MYBBP1A: variants seen among roughly 807,000 people sequenced by gnomAD.
MYBBP1A encodes MYB binding protein 1a.
Under a neutral mutation model 136.3 loss-of-function variants are expected in MYBBP1A, and 147 were observed. That is an observed-to-expected ratio of 1.08 (90% CI 0.94 to 1.24). The LOEUF (loss-of-function observed/expected upper bound fraction) is 1.24. MYBBP1A is among the 50% of genes most tolerant of loss of function. The pLI is 0.00. For synonymous variants in MYBBP1A, 947 were observed against 735.8 expected (o/e 1.29, Z -4.65); for missense variants, 2,060 against 1,727.4 (o/e 1.19, Z -3.41).
At position 4,548,551 on chromosome 17, in the gene MYBBP1A, C is replaced by T. The variant is rs747210756; in HGVS notation, c.1529G>A (p.Arg510Gln). The T allele has an allele frequency of 1.3e-5, 21 of 1,614,046 alleles. No individual in the cohort carries two copies. The highest frequency in any genetic ancestry group is 3.3e-5 in the South Asian group (3 of 91,092). ...PFSFPLENQA[R>Q]EAVSSAFFSL... ...GAAGAAGGCACTGCTGACAGCCTCT[C>T]GGGCCTGGTTTTCCAAAGGGAAGGA... Residue 510 changes from arginine to glutamine, a missense_variant, in exon 11 of 26, where the codon CGA becomes CAA. Physicochemically the swap from Arg to Gln is conservative, Grantham distance 43. Transcript: ENST00000254718. The surrounding 1 kb of genome is among the most constrained non-coding windows in gnomAD (Gnocchi z 4.2).
intron 9 of MYBBP1A, among the ~76,000 whole-genome samples, chr17:4,549,785 C>CAAAAAAAA (rs60360356): frequency 1.5e-5 from 1 of 65,406 alleles, no homozygotes; most frequent in Admixed American, 1.8e-4. Flanking sequence ...GAGACTCTGT[C>CAAAAAAAA]AAAAAAAAAA....
chr17:4,541,902 G>A lies in MYBBP1A; in HGVS notation c.3088-11C>T, dbSNP rs768051733. The A allele has an allele frequency of 5.0e-6, 8 of 1,609,474 alleles. No homozygotes were observed. In the South Asian group the frequency reaches 8.8e-5, roughly 18 times the overall value. On this transcript the variant is annotated splice_polypyrimidine_tract_variant and intron_variant, in intron 22 of 25. Coordinates refer to ENST00000254718, the MANE Select transcript of MYBBP1A (RefSeq NM_014520.4). ...GAGCAGCAGGCAGGCCTGTGGGTGG[G>A]CAAAGGTGGGTGGCAGGAGCCTTGG...
Position 4,552,901 on chromosome 17 carries a change from T to C in MYBBP1A, c.562-275A>G, listed in dbSNP as rs1286906598. Among the ~76,000 whole-genome samples the C allele has an allele frequency of 6.6e-6, 1 of 151,968 alleles. No individual in the cohort carries two copies. Among genetic ancestry groups the C allele is most frequent in the Non-Finnish European group, 1.5e-5 (1 of 67,972 alleles). On this transcript the variant is annotated intron_variant, in intron 5 of 25. Transcript: ENST00000254718. The surrounding 1 kb of genome is among the most constrained non-coding windows in gnomAD (Gnocchi z 4.7). ...CCAGGCTGAGTATAGTGGTGTGATC[T>C]TGGCTCACTGCAACCTCCGCCTCCC...
chr17:4,539,024 C>G lies in MYBBP1A; in HGVS notation c.*391G>C, dbSNP rs781089507. 4.7e-6 allele frequency: 4 copies of G among 844,284 alleles called. No individual in the cohort carries two copies. In the African/African-American group the frequency reaches 6.7e-5, roughly 14 times the overall value. 52.3% of individuals were successfully genotyped at this position (844,284 alleles called of 1,614,324 possible). A position where few individuals can be genotyped will look rare whatever the true frequency, so the allele number is the denominator to read the frequency against. On this transcript the variant is annotated 3_prime_UTR_variant, in exon 26 of 26. Transcript: ENST00000254718. ...TCCTCTTGTAAATGAAGAAATAAAC[C>G]TATTTAAATCACCCCCTGGTGGCTC...
chr17:4,545,951 A>G lies in MYBBP1A; in HGVS notation c.1825-9T>C, dbSNP rs539565687. 4.3e-6 allele frequency: 7 copies of G among 1,611,752 alleles called. No individual in the cohort carries two copies. Among genetic ancestry groups the G allele is most frequent in the Non-Finnish European group, 5.9e-6 (7 of 1,179,134 alleles). On this transcript the variant is annotated splice_polypyrimidine_tract_variant and intron_variant, in intron 13 of 25. Coordinates refer to ENST00000254718, the MANE Select transcript of MYBBP1A (RefSeq NM_014520.4). ...CAGCTCTCTGCAGGGGACTGCGGGC[A>G]GGGTAGGACACACACTGGGGCCAGG...
At position 4,552,260 on chromosome 17, in the gene MYBBP1A, G is replaced by C. The variant is rs1437865063; in HGVS notation, c.770C>G (p.Ser257Cys). 6.2e-7 allele frequency: 1 copy of C among 1,614,166 alleles called. No homozygotes were observed. The change falls in exon 7 of 26, where the codon TCT becomes TGT. Residue 257 changes from serine to cysteine, a missense_variant. By Grantham distance (112) the Ser-to-Cys change is moderately radical. Transcript: ENST00000254718. The surrounding 1 kb of genome is among the most constrained non-coding windows in gnomAD (Gnocchi z 4.7). ...GGGCAGCTTGCGGTCCTTCTTCACAGAGGAGGCGGCCATCTTCAGCACATT... is the reference window on the plus strand; with the variant it reads ...GGGCAGCTTGCGGTCCTTCTTCACACAGGAGGCGGCCATCTTCAGCACATT... ...LVNVLKMAASSVKKDRKLPAI... is the reference protein window; with the variant it reads ...LVNVLKMAASCVKKDRKLPAI...
chr17:4,541,978 G>A (rs1482229545), intron 22 of MYBBP1A, 87 bp from the exon 23 acceptor site: 1 of 997,240 alleles, frequency 1.0e-6, no homozygotes, highest in South Asian at 1.4e-5. Context: ...GGGGCCCGCT[G>A]GGCACTGCTG....
Position 4,547,948 on chromosome 17 carries a change from G to T in MYBBP1A, c.1824+10C>A, listed in dbSNP as rs1396165118. The stretch of plus-strand genomic sequence containing the variant: ...CAGGCTCACAGCCCCTCCCTCCCAG[G>T]CCCCAGTACCTTGAGGAGGTGGATG... On this transcript the variant is annotated intron_variant, in intron 13 of 25. Transcript: ENST00000254718. 1.4e-6 allele frequency: 2 copies of T among 1,472,678 alleles called. No homozygotes were observed. The allele number at this position is 1,472,678 out of a possible 1,614,324, so 91.2% of individuals were successfully genotyped here. A position where few individuals can be genotyped will look rare whatever the true frequency, so the allele number is the denominator to read the frequency against.
chr17:4,540,208 G>A (rs1026590673), intron 25 of MYBBP1A, 140 bp downstream of exon 25: 9 of 1,289,784 alleles, frequency 7.0e-6, no homozygotes, highest in African/African-American at 3.0e-5. Flanking sequence ...CTGAGAATGC[G>A]CTTGAGTGCA....
chr17:4,540,604 C>T (rs1278909398), intron 24 of MYBBP1A, 120 bp from the exon 25 acceptor site: 15 of 1,232,318 alleles, frequency 1.2e-5, no homozygotes, highest in East Asian at 2.7e-5. Context: ...CCTTCCTGGG[C>T]CTCAGCCTCT....
rs1232976173 is a variant in MYBBP1A, at chr17:4,539,304, G to A, written c.*111C>T. On this transcript the variant is annotated 3_prime_UTR_variant, in exon 26 of 26. Coordinates refer to ENST00000254718, the MANE Select transcript of MYBBP1A (RefSeq NM_014520.4). The stretch of plus-strand genomic sequence containing the variant: ...GCGGCAACAGCCACCCTCCCCAGTG[G>A]CAGCGCCTTAGAAACAGCTTGCGTA... 6 of 1,496,038 alleles carry A rather than the reference G, an allele frequency of 4.0e-6. No individual in the cohort carries two copies. The highest frequency in any genetic ancestry group is 5.3e-6 in the Non-Finnish European group (6 of 1,133,646). 92.7% of individuals were successfully genotyped at this position (1,496,038 alleles called of 1,614,324 possible). A position where few individuals can be genotyped will look rare whatever the true frequency, so the allele number is the denominator to read the frequency against.
chr17:4,552,395 G>A lies in MYBBP1A; in HGVS notation c.737+56C>T. ...CAGGCCAAACGACAAATCTGGGCCT[G>A]GCCAGATGCAGTCCCTTGGCCCCAG... On this transcript the variant is annotated intron_variant, in intron 6 of 25. Coordinates refer to ENST00000254718, the MANE Select transcript of MYBBP1A (RefSeq NM_014520.4). The surrounding 1 kb of genome is among the most constrained non-coding windows in gnomAD (Gnocchi z 4.7). The A allele has an allele frequency of 6.2e-7, 1 of 1,604,616 alleles. No homozygotes were observed. The highest frequency in any genetic ancestry group is 1.7e-5 in the Admixed American group (1 of 59,780).
At position 4,544,734 on chromosome 17, in the gene MYBBP1A, C is replaced by A. The variant is rs1377731165; in HGVS notation, c.2481+17G>T. On this transcript the variant is annotated intron_variant, in intron 18 of 25. Coordinates refer to ENST00000254718, the MANE Select transcript of MYBBP1A (RefSeq NM_014520.4). ...CACAGGGAGGCGGGGGTGGGTGCGG[C>A]CCGCCCCCAGGCTCACCCGGATCTG... 6.6e-7 allele frequency: 1 copy of A among 1,516,434 alleles called. No homozygotes were observed. Among genetic ancestry groups the A allele is most frequent in the Non-Finnish European group, 8.8e-7 (1 of 1,132,858 alleles). 93.9% of individuals were successfully genotyped at this position (1,516,434 alleles called of 1,614,324 possible). A position where few individuals can be genotyped will look rare whatever the true frequency, so the allele number is the denominator to read the frequency against.
chr17:4,539,363 T>C lies in MYBBP1A; in HGVS notation c.*52A>G. 7.3e-7 allele frequency: 1 copy of C among 1,362,234 alleles called. No individual in the cohort carries two copies. The highest frequency in any genetic ancestry group is 9.7e-7 in the Non-Finnish European group (1 of 1,030,156). 84.4% of individuals were successfully genotyped at this position (1,362,234 alleles called of 1,614,324 possible). ...ATGGTTTAAAAAAAAAAAAAAAAAA[T>C]AGGCGTCTCAGGCAGATGGAGGCAG... On this transcript the variant is annotated 3_prime_UTR_variant, in exon 26 of 26. Coordinates refer to ENST00000254718, the MANE Select transcript of MYBBP1A (RefSeq NM_014520.4).
At position 4,544,780 on chromosome 17, in the gene MYBBP1A, TCTC is replaced by T. The variant is rs775394414; in HGVS notation, c.2449_2451del (p.Glu817del). The T allele has an allele frequency of 2.4e-5, 38 of 1,593,076 alleles. No homozygotes were observed. Among genetic ancestry groups the T allele is most frequent in the East Asian group, 1.1e-4 (5 of 43,946 alleles). On this transcript the variant is annotated inframe_deletion, in exon 18 of 26. Coordinates refer to ENST00000254718, the MANE Select transcript of MYBBP1A (RefSeq NM_014520.4). The stretch of plus-strand genomic sequence containing the variant: ...ATCTGGAAGTCGCGCCGCAGAGCCT[TCTC>T]CTTCTGCAGCTTGTTCTTCTCGTCT...
At chr17:4,543,882 G>T (rs1171251486) in intron 19 of MYBBP1A, among the ~76,000 whole-genome samples, 2 of 147,224 alleles carry the variant, frequency 1.4e-5, no homozygotes, top group African/African-American at 5.2e-5. Flanking sequence ...ACCAGACTCA[G>T]ACCCTTCCCC....
intron 24 of MYBBP1A, 50 bp from the exon 25 acceptor site, chr17:4,540,534 C>T (rs372577968): frequency 6.6e-7 from 1 of 1,525,404 alleles, no homozygotes; most frequent in South Asian, 1.2e-5. Context: ...GGCGGGGCCT[C>T]TCGCGGGCTC....
Position 4,548,498 on chromosome 17 carries a change from C to CCT in MYBBP1A, c.1556+24_1556+25dup. On this transcript the variant is annotated intron_variant, in intron 11 of 25. Coordinates refer to ENST00000254718, the MANE Select transcript of MYBBP1A (RefSeq NM_014520.4). This position sits in a 1 kb window ranked among gnomAD's most constrained non-coding sequence, Gnocchi z 4.2. ...CCCTCAAGGCCTTCCCACCTTCGGA[C>CCT]CTCTCCTGGGCTGCCCAAGACTCAC... The CCT allele has an allele frequency of 6.2e-7, 1 of 1,613,608 alleles. No individual in the cohort carries two copies. Among genetic ancestry groups the CCT allele is most frequent in the South Asian group, 1.1e-5 (1 of 91,066 alleles).
At chr17:4,544,996 G>GCCCCCCCCCCCCCCCCC in intron 17 of MYBBP1A, 30 bp downstream of exon 17, 20 of 697,890 alleles carry the variant, frequency 2.9e-5, no homozygotes, top group East Asian at 1.3e-4. Flanking sequence ...GCCCTCCCCG[G>GCCCCCCCCCCCCCCCCC]CCGCCCCCCC....
Sources: allele counts gnomAD v4.1 joint callset (sites outside exome capture counted in the v4.1 genomes callset), GRCh38; gene constraint gnomAD v4.1.1; non-coding constraint Gnocchi (gnomAD v3.1); transcripts MANE v1.5; gene names NCBI Gene and HGNC (gene_info 2026-07-23, HGNC 2026-07-21).